DCC: variants seen among roughly 807,000 people sequenced by gnomAD.
The protein encoded by DCC is netrin receptor DCC.
DCC carries 58 observed loss-of-function variants against 172.5 expected under a neutral mutation model. The observed-to-expected ratio is 0.34, with a 90% CI of 0.27 to 0.42. The LOEUF is 0.42. Among genes scored for constraint, DCC ranks in the 10% least tolerant of loss-of-function variants. The pLI is 1.00. For synonymous variants in DCC, 709 were observed against 644.5 expected (o/e 1.10, Z -1.52); for missense variants, 1,740 against 1,791.0 (o/e 0.97, Z 0.51).
intron 7 of DCC, among the ~76,000 whole-genome samples, chr18:53,138,517 G>T (rs1156882188): frequency 1.3e-5 from 2 of 152,126 alleles, no homozygotes; most frequent in Non-Finnish European, 2.9e-5. Flanking sequence ...TCTCTAGAAT[G>T]ATTTCTGACA....
chr18:52,510,368 T>C (rs2031392112), intron 1 of DCC, among the ~76,000 whole-genome samples: 1 of 152,208 alleles, frequency 6.6e-6, no homozygotes, highest in South Asian at 2.1e-4. Context: ...CATCAGTGCC[T>C]GTAGGATCCG....
intron 2 of DCC, among the ~76,000 whole-genome samples, chr18:52,895,696 C>T (rs1432368258): frequency 6.6e-6 from 1 of 152,074 alleles, no homozygotes; most frequent in Non-Finnish European, 1.5e-5. Context: ...ATATTTTTTA[C>T]TATTTTAAAT....
intron 2 of DCC, among the ~76,000 whole-genome samples, chr18:52,859,426 C>G (rs1364455914): frequency 6.6e-6 from 1 of 152,074 alleles, no homozygotes; most frequent in Non-Finnish European, 1.5e-5. Flanking sequence ...CTTCTATTCC[C>G]CAGTAGGATT....
At chr18:52,665,255 A>C (rs2035443543) in intron 1 of DCC, among the ~76,000 whole-genome samples, 1 of 152,158 alleles carries the variant, frequency 6.6e-6, no homozygotes, top group Middle Eastern at 3.2e-3. Flanking sequence ...GATGGGTTAG[A>C]ATATTTGGGT....
At chr18:53,485,229 G>T (rs2045887149) in intron 25 of DCC, among the ~76,000 whole-genome samples, 1 of 151,996 alleles carries the variant, frequency 6.6e-6, no homozygotes, top group Non-Finnish European at 1.5e-5. Context: ...CTATCTACAT[G>T]TATCTATATG....
intron 5 of DCC, among the ~76,000 whole-genome samples, chr18:52,987,699 A>G (rs1237061966): frequency 2.0e-5 from 3 of 152,162 alleles, no homozygotes; most frequent in Non-Finnish European, 2.9e-5. Context: ...CTGTGTATGT[A>G]GCTTACCACA....
intron 12 of DCC, among the ~76,000 whole-genome samples, chr18:53,285,707 C>T (rs544530144): frequency 6.6e-6 from 1 of 152,312 alleles, no homozygotes; most frequent in Non-Finnish European, 1.5e-5. Context: ...TAACCACTGA[C>T]AGCTTACACC....
At chr18:52,829,195 C>T (rs1283581536) in intron 2 of DCC, among the ~76,000 whole-genome samples, 2 of 152,140 alleles carry the variant, frequency 1.3e-5, no homozygotes, top group African/African-American at 4.8e-5. Flanking sequence ...TACATTTGAG[C>T]TAACTTTTCT....
intron 2 of DCC, among the ~76,000 whole-genome samples, chr18:52,854,737 C>T: frequency 6.6e-6 from 1 of 152,152 alleles, no homozygotes; most frequent in Non-Finnish European, 1.5e-5. Flanking sequence ...AGTTATCCAT[C>T]ACAGAAAGCC....
chr18:53,036,706 CT>C (rs2042097977), intron 5 of DCC, among the ~76,000 whole-genome samples: 2 of 151,982 alleles, frequency 1.3e-5, no homozygotes, highest in South Asian at 2.1e-4. Context: ...ATATGCACCC[CT>C]AATCCTATCT....
chr18:52,637,738 A>G (rs1178301823), intron 1 of DCC, among the ~76,000 whole-genome samples: 6 of 152,238 alleles, frequency 3.9e-5, no homozygotes, highest in African/African-American at 1.4e-4. Context: ...CTTGGAAAAC[A>G]TATTTGGGGG....
chr18:52,603,171 A>T (rs1201961459), intron 1 of DCC, among the ~76,000 whole-genome samples: 1 of 152,050 alleles, frequency 6.6e-6, no homozygotes, highest in African/African-American at 2.4e-5. Flanking sequence ...TGGAGACTGA[A>T]AAGCTGATAT....
At chr18:52,811,403 A>T (rs148916320) in intron 2 of DCC, among the ~76,000 whole-genome samples, 3 of 152,350 alleles carry the variant, frequency 2.0e-5, no homozygotes, top group Admixed American at 6.5e-5. Context: ...TCATCCAGTG[A>T]TTCAACAGAA....
intron 12 of DCC, among the ~76,000 whole-genome samples, chr18:53,294,875 G>A (rs2057047906): frequency 6.6e-6 from 1 of 152,140 alleles, no homozygotes; most frequent in African/African-American, 2.4e-5. Context: ...GAGAACCAGG[G>A]GCCAGCAGGG....
intron 1 of DCC, among the ~76,000 whole-genome samples, chr18:52,446,743 G>T (rs536170014): frequency 2.6e-5 from 4 of 152,274 alleles, no homozygotes; most frequent in Admixed American, 2.6e-4. Flanking sequence ...ATTTTTGTGT[G>T]TGTGTATTGC....
intron 3 of DCC, among the ~76,000 whole-genome samples, chr18:52,909,998 G>C (rs1006717286): frequency 2.0e-5 from 3 of 152,136 alleles, no homozygotes; most frequent in Non-Finnish European, 2.9e-5. Context: ...CAGGCGAACT[G>C]TATATATTCT....
At chr18:52,738,034 A>T (rs930158764) in intron 1 of DCC, among the ~76,000 whole-genome samples, 1 of 152,082 alleles carries the variant, frequency 6.6e-6, no homozygotes, top group African/African-American at 2.4e-5. Flanking sequence ...TTACATTGTT[A>T]TCTTTTACAT....
At chr18:53,242,058 A>G (rs2056302926) in intron 12 of DCC, among the ~76,000 whole-genome samples, 1 of 152,174 alleles carries the variant, frequency 6.6e-6, no homozygotes, top group Admixed American at 6.6e-5. Context: ...CTTTTTAAAA[A>G]GTTTTCCTGC....
At chr18:53,435,616 T>A (rs976310697) in intron 22 of DCC, among the ~76,000 whole-genome samples, 4 of 152,196 alleles carry the variant, frequency 2.6e-5, no homozygotes, top group Middle Eastern at 3.2e-3. Context: ...CCCAGTTTCA[T>A]ATATTAAAGT....
Sources: allele counts gnomAD v4.1 joint callset (sites outside exome capture counted in the v4.1 genomes callset), GRCh38; gene constraint gnomAD v4.1.1; transcripts MANE v1.5; gene names NCBI Gene and HGNC (gene_info 2026-07-23, HGNC 2026-07-21).